The following CCDC73 variants were observed in gnomAD, a reference collection of about 807,000 sequenced individuals.
CCDC73 encodes coiled-coil domain-containing protein 73.
A neutral mutation model predicts 116.5 loss-of-function variants in CCDC73; 95 were observed. The observed-to-expected ratio is 0.82, with a 90% CI of 0.69 to 0.97. The LOEUF (loss-of-function observed/expected upper bound fraction) is 0.97. Among genes scored for constraint, CCDC73 ranks in the 50% least tolerant of loss-of-function variants. CCDC73 has a pLI of 0.00. For missense variants in CCDC73, 1,066 were observed against 1,206.8 expected, an observed-to-expected ratio of 0.88 and a Z score of 1.73; for synonymous variants, 398 against 401.3, an observed-to-expected ratio of 0.99 and a Z score of 0.10.
chr11:32,742,446 A>T (rs1850196793), intron 2 of CCDC73, among the ~76,000 whole-genome samples: 1 of 152,172 alleles, frequency 6.6e-6, no homozygotes. Flanking sequence ...TGGCTGCATA[A>T]ATGTCTTCTT....
In CCDC73 at chr11:32,703,457, GA is replaced by G. The variant is rs561438665; in HGVS notation, c.208-514del. Among the ~76,000 whole-genome samples the G allele has an allele frequency of 5.7e-3, 812 of 142,258 alleles. 9 individuals carry two copies. The highest frequency in any genetic ancestry group is 0.017 in the African/African-American group (666 of 39,046). The allele number at this position is 142,258 out of a possible 152,430, so 93.3% of individuals were successfully genotyped here. ...TTTTGCTTCCTGTTGCTTTTTTCAT[GA>G]AAAAAAAAAACATTGCTTCTAAAAC... is the stretch of plus-strand genomic sequence containing the variant. On this transcript the variant is annotated intron_variant, in intron 3 of 17. Coordinates refer to ENST00000335185, the MANE Select transcript of CCDC73 (RefSeq NM_001008391.4).
chr11:32,699,845 G>A (rs1474129634), intron 5 of CCDC73, among the ~76,000 whole-genome samples: 3 of 148,688 alleles, frequency 2.0e-5, no homozygotes, highest in Non-Finnish European at 4.4e-5. Context: ...AAACCTGCAC[G>A]TTGTGCACAT....
intron 2 of CCDC73, among the ~76,000 whole-genome samples, chr11:32,742,540 T>C (rs1027766177): frequency 2.6e-5 from 4 of 152,340 alleles, no homozygotes; most frequent in Admixed American, 6.5e-5. Context: ...GAGTTCTTTG[T>C]AGATTCTGGA....
chr11:32,818,239 G>A, the CCDC73 span, among the ~76,000 whole-genome samples: 29 of 152,352 alleles, frequency 1.9e-4, no homozygotes, highest in African/African-American at 2.6e-4. Flanking sequence ...CTTTCGGGCC[G>A]TAAGTGTATT....
chr11:32,720,808 A>G (rs1046648311), intron 2 of CCDC73, among the ~76,000 whole-genome samples: 8 of 152,162 alleles, frequency 5.3e-5, no homozygotes, highest in African/African-American at 1.9e-4. Flanking sequence ...AGTGGGCATT[A>G]AAGATAGAAT....
At chr11:32,631,631 G>A (rs1026462310) in intron 14 of CCDC73, among the ~76,000 whole-genome samples, 1 of 147,812 alleles carries the variant, frequency 6.8e-6, no homozygotes, top group Non-Finnish European at 1.5e-5. Flanking sequence ...GGAAGGGACG[G>A]GAAAGGAAAG....
chr11:32,767,053 C>T (rs912911505), intron 1 of CCDC73, among the ~76,000 whole-genome samples: 1 of 152,192 alleles, frequency 6.6e-6, no homozygotes, highest in African/African-American at 2.4e-5. Flanking sequence ...AGGCATCACG[C>T]TACCTGACTT....
intron 1 of CCDC73, among the ~76,000 whole-genome samples, chr11:32,791,958 C>T (rs563198284): frequency 8.9e-4 from 133 of 149,226 alleles, no homozygotes; most frequent in African/African-American, 3.2e-3. Flanking sequence ...GAGCCAGACC[C>T]TGTCTCAAAA....
chr11:32,631,857 T>TAGGC (rs1311612843), intron 14 of CCDC73, among the ~76,000 whole-genome samples: 3 of 151,752 alleles, frequency 2.0e-5, no homozygotes, highest in African/African-American at 4.8e-5. Context: ...AATAGACATA[T>TAGGC]AGGCAGGCAG....
intron 1 of CCDC73, among the ~76,000 whole-genome samples, chr11:32,764,481 T>A (rs1263270517): frequency 1.3e-5 from 2 of 152,112 alleles, no homozygotes; most frequent in African/African-American, 2.4e-5. Flanking sequence ...AGAAAAGAAT[T>A]TTCAACCCAG....
At chr11:32,738,786 T>C (rs1356477094) in intron 2 of CCDC73, among the ~76,000 whole-genome samples, 1 of 152,202 alleles carries the variant, frequency 6.6e-6, no homozygotes, top group African/African-American at 2.4e-5. Context: ...TCCAATGTCC[T>C]GGAGAGTTTC....
At position 32,613,582 on chromosome 11, in the gene CCDC73, T is replaced by C; in HGVS notation, c.2736A>G (p.Lys912=). 6.2e-7 allele frequency: 1 copy of C among 1,614,160 alleles called. No individual in the cohort carries two copies. Among genetic ancestry groups the C allele is most frequent in the Non-Finnish European group, 8.5e-7 (1 of 1,180,012 alleles). Residue 912 remains lysine (K), a synonymous_variant, in exon 16 of 18, where the codon AAA becomes AAG. Coordinates refer to ENST00000335185, the MANE Select transcript of CCDC73 (RefSeq NM_001008391.4). The part of the protein sequence containing the change: ...MNFSDPGPWS[K]VNHIESQTAS... Reference sequence around the variant, plus strand: ...CTGTTTGACTTTCAATGTGATTTACTTTTGACCAAGGACCGGGGTCTGAAA... The same window carrying C: ...CTGTTTGACTTTCAATGTGATTTACCTTTGACCAAGGACCGGGGTCTGAAA...
intron 2 of CCDC73, among the ~76,000 whole-genome samples, chr11:32,740,813 C>T (rs1428595979): frequency 6.6e-6 from 1 of 151,896 alleles, no homozygotes; most frequent in African/African-American, 2.4e-5. Flanking sequence ...ACACTTACAG[C>T]TATAAACTTC....
chr11:32,754,187 C>A (rs996362096), intron 2 of CCDC73, among the ~76,000 whole-genome samples: 2 of 152,142 alleles, frequency 1.3e-5, no homozygotes, highest in Non-Finnish European at 2.9e-5. Context: ...GCTCTAAAAA[C>A]CACTGCATTA....
At chr11:32,697,869 C>T (rs931953269) in intron 6 of CCDC73, among the ~76,000 whole-genome samples, 1 of 151,804 alleles carries the variant, frequency 6.6e-6, no homozygotes, top group Non-Finnish European at 1.5e-5. Flanking sequence ...AATTGCGTGT[C>T]ACGGGGGTTG....
chr11:32,652,715 TA>T (rs1343428610), intron 12 of CCDC73, among the ~76,000 whole-genome samples: 1 of 151,408 alleles, frequency 6.6e-6, no homozygotes, highest in Non-Finnish European at 1.5e-5. Context: ...AATTTTATCA[TA>T]TTCCTGTGAA....
chr11:32,671,531 G>A (rs1361137579), intron 9 of CCDC73, among the ~76,000 whole-genome samples: 2 of 151,946 alleles, frequency 1.3e-5, no homozygotes, highest in Non-Finnish European at 2.9e-5. Flanking sequence ...TTTTAAATAA[G>A]TGATATAACC....
chr11:32,760,390 T>A (rs998315218), intron 1 of CCDC73, 132 bp from the exon 2 acceptor site: 3 of 562,118 alleles, frequency 5.3e-6, no homozygotes, highest in Non-Finnish European at 6.2e-6. Flanking sequence ...AGTTGTGTCA[T>A]CACTCCACTC....
At chr11:32,700,238 T>G (rs1225218043) in intron 5 of CCDC73, among the ~76,000 whole-genome samples, 1 of 152,096 alleles carries the variant, frequency 6.6e-6, no homozygotes, top group Non-Finnish European at 1.5e-5. Context: ...AAATAAACCA[T>G]AAGTGATTAT....
Sources: gnomAD v4.1 joint callset for allele counts (sites outside exome capture counted in the v4.1 genomes callset) on GRCh38, gnomAD v4.1.1 for gene constraint, MANE v1.5 for transcripts, NCBI Gene and HGNC (gene_info 2026-07-23, HGNC 2026-07-21) for gene names.